Variants in FRAS1 observed in about 807,000 individuals in gnomAD.
The protein encoded by FRAS1 is Fraser extracellular matrix complex subunit 1.
In FRAS1, 290 loss-of-function variants were observed where a neutral mutation model predicts 435.2. That is an observed-to-expected ratio of 0.67 (90% CI 0.61 to 0.73). The LOEUF (loss-of-function observed/expected upper bound fraction) is 0.73, where lower values mean the gene tolerates loss of function less well. Ranked by LOEUF, FRAS1 falls within the 30% of genes least tolerant of loss-of-function variation. FRAS1 has a pLI of 0.00. For missense variants in FRAS1, 4,860 were observed against 5,001.5 expected (o/e 0.97, Z 0.85); for synonymous variants, 1,800 against 1,851.0 (o/e 0.97, Z 0.71).
chr4:78,307,553 C>T (rs769806019), intron 14 of FRAS1, among the ~76,000 whole-genome samples: 5 of 152,226 alleles, frequency 3.3e-5, no homozygotes, highest in Admixed American at 6.5e-5. Flanking sequence ...GATTTAATCT[C>T]CTGGTGCGCC....
intron 2 of FRAS1, among the ~76,000 whole-genome samples, chr4:78,144,326 T>C (rs1720322733): frequency 6.6e-6 from 1 of 152,088 alleles, no homozygotes; most frequent in South Asian, 2.1e-4. Flanking sequence ...TAAATTCTGA[T>C]GAGACTCTGT....
At position 78,321,775 on chromosome 4, in the gene FRAS1, C is replaced by T. The variant is rs1292473726; in HGVS notation, c.2137+2789C>T. Among the ~76,000 whole-genome samples, 33 of 133,958 alleles carry T rather than the reference C, an allele frequency of 2.5e-4. 1 individual carries two copies. Among genetic ancestry groups the T allele is most frequent in the East Asian group, 2.3e-4 (1 of 4,290 alleles). The allele number at this position is 133,958 out of a possible 152,430, so 87.9% of individuals were successfully genotyped here. A position where few individuals can be genotyped will look rare whatever the true frequency, so the allele number is the denominator to read the frequency against. Reference sequence around the variant, plus strand: ...CAGGAGAATAGCTTGAACTCGGGGGCGGGGGTTACAGTGAGCTGAGATCAC... The same window carrying T: ...CAGGAGAATAGCTTGAACTCGGGGGTGGGGGTTACAGTGAGCTGAGATCAC... On this transcript the variant is annotated intron_variant, in intron 18 of 73. Transcript: ENST00000512123.
chr4:78,414,753 T>C (rs1272116060), intron 32 of FRAS1, among the ~76,000 whole-genome samples: 4 of 152,218 alleles, frequency 2.6e-5, no homozygotes, highest in African/African-American at 4.8e-5. Context: ...TAAACACTTT[T>C]GAGCTCCTAA....
At chr4:78,234,926 G>A (rs1054875577) in intron 2 of FRAS1, among the ~76,000 whole-genome samples, 2 of 152,130 alleles carry the variant, frequency 1.3e-5, no homozygotes, top group African/African-American at 4.8e-5. Flanking sequence ...ATTCATATAC[G>A]TCCTATTGGA....
intron 10 of FRAS1, 124 bp downstream of exon 10, chr4:78,278,868 C>G (rs1463480256): frequency 3.1e-6 from 2 of 650,188 alleles, no homozygotes; most frequent in Admixed American, 5.3e-5. Flanking sequence ...TGTGCACCTA[C>G]TGTACAACAG....
At chr4:78,097,978 A>G (rs565489740) in intron 2 of FRAS1, among the ~76,000 whole-genome samples, 1 of 152,302 alleles carries the variant, frequency 6.6e-6, no homozygotes, top group East Asian at 1.9e-4. Context: ...AGAAGAAACC[A>G]TCTTTGCTGA....
At chr4:78,089,660 GT>G (rs1379462725) in intron 2 of FRAS1, among the ~76,000 whole-genome samples, 21 of 77,130 alleles carry the variant, frequency 2.7e-4, no homozygotes, top group Admixed American at 1.5e-3. Flanking sequence ...TAATATAAAA[GT>G]AGCCAATTGC....
At chr4:78,463,880 G>A (rs10518199) in intron 47 of FRAS1, 141 bp from the exon 48 acceptor site, 280,118 of 866,880 alleles carry the variant, frequency 0.32, 47,260 homozygotes, top group Non-Finnish European at 0.36. Context: ...TAACAACAAG[G>A]TCCTCAAGTG....
chr4:78,263,380 G>A (rs1726206605), intron 6 of FRAS1, among the ~76,000 whole-genome samples: 1 of 152,142 alleles, frequency 6.6e-6, no homozygotes, highest in African/African-American at 2.4e-5. Context: ...AATAAGATTT[G>A]GAAAGCACAA....
At chr4:78,082,462 A>G (rs1740940561) in intron 2 of FRAS1, among the ~76,000 whole-genome samples, 1 of 152,158 alleles carries the variant, frequency 6.6e-6, no homozygotes, top group African/African-American at 2.4e-5. Flanking sequence ...TGAGCAAAAC[A>G]ACATAAATAC....
intron 20 of FRAS1, among the ~76,000 whole-genome samples, chr4:78,360,495 A>G (rs1731035529): frequency 6.6e-6 from 1 of 152,168 alleles, no homozygotes; most frequent in African/African-American, 2.4e-5. Context: ...GTGGAATAAT[A>G]TTGAAAATTG....
chr4:78,276,240 C>A (rs1406013413), intron 9 of FRAS1, among the ~76,000 whole-genome samples: 3 of 152,152 alleles, frequency 2.0e-5, no homozygotes, highest in Non-Finnish European at 2.9e-5. Context: ...AGGTTTTTAT[C>A]TTCTTTGCCA....
At chr4:78,265,587 A>G (rs1726311140) in intron 7 of FRAS1, among the ~76,000 whole-genome samples, 1 of 152,202 alleles carries the variant, frequency 6.6e-6, no homozygotes, top group South Asian at 2.1e-4. Context: ...TGCAAACTCA[A>G]AAGTACTATT....
intron 18 of FRAS1, among the ~76,000 whole-genome samples, chr4:78,321,854 AAAG>A: frequency 1.3e-5 from 2 of 151,866 alleles, no homozygotes; most frequent in African/African-American, 4.8e-5. Flanking sequence ...AAAAAAAAAA[AAAG>A]GTTAGAATCT....
chr4:78,119,776 T>G (rs1220788336), intron 2 of FRAS1, among the ~76,000 whole-genome samples: 1 of 152,152 alleles, frequency 6.6e-6, no homozygotes, highest in Non-Finnish European at 1.5e-5. Context: ...GAGTTTTACT[T>G]TTAACAAGTG....
At chr4:78,502,899 A>G (rs1259985287) in intron 61 of FRAS1, among the ~76,000 whole-genome samples, 2 of 152,118 alleles carry the variant, frequency 1.3e-5, no homozygotes, top group Non-Finnish European at 2.9e-5. Context: ...ATCAATACCT[A>G]GTTTATTGAG....
chr4:78,180,006 A>G (rs1721930847), intron 2 of FRAS1, among the ~76,000 whole-genome samples: 1 of 152,240 alleles, frequency 6.6e-6, no homozygotes, highest in African/African-American at 2.4e-5. Context: ...GACACTTAGC[A>G]TGCTCTCACT....
chr4:78,076,162 G>A (rs1304818420), intron 2 of FRAS1, among the ~76,000 whole-genome samples: 1 of 152,084 alleles, frequency 6.6e-6, no homozygotes, highest in East Asian at 1.9e-4. Context: ...GGGGGTGTGG[G>A]TGGCTCCATG....
intron 34 of FRAS1, among the ~76,000 whole-genome samples, chr4:78,423,660 C>T (rs567940544): frequency 5.9e-5 from 9 of 152,192 alleles, no homozygotes; most frequent in East Asian, 1.9e-4. Flanking sequence ...TAAGTTTAAT[C>T]GCCCAGAAAA....
Sources: allele counts gnomAD v4.1 joint callset (sites outside exome capture counted in the v4.1 genomes callset), GRCh38; gene constraint gnomAD v4.1.1; transcripts MANE v1.5; gene names NCBI Gene and HGNC (gene_info 2026-07-23, HGNC 2026-07-21).